BTBD9: variants seen among roughly 807,000 people sequenced by gnomAD.
The protein encoded by BTBD9 is BTB domain containing 9.
In BTBD9, 49 loss-of-function variants were observed where a neutral mutation model predicts 64.3. That is an observed-to-expected ratio of 0.76 (90% CI 0.61 to 0.97). BTBD9 has a LOEUF of 0.97. Among genes scored for constraint, BTBD9 ranks in the 50% least tolerant of loss-of-function variants. The probability of loss-of-function intolerance (pLI) is 0.00; values close to 1 mark genes in which losing one functional copy is unlikely to be tolerated. For synonymous variants in BTBD9, 260 were observed against 274.7 expected (o/e 0.95, Z 0.53); for missense variants, 598 against 762.1 (o/e 0.78, Z 2.53).
intron 9 of BTBD9, among the ~76,000 whole-genome samples, chr6:38,251,627 C>T (rs560125236): frequency 2.6e-5 from 4 of 152,090 alleles, no homozygotes; most frequent in South Asian, 2.1e-4. Context: ...CAGCCAGGTG[C>T]GGTGGCTCAC....
At chr6:38,556,877 T>TGTA (rs1775048597) in intron 6 of BTBD9, among the ~76,000 whole-genome samples, 1 of 149,964 alleles carries the variant, frequency 6.7e-6, no homozygotes, top group Non-Finnish European at 1.5e-5. Flanking sequence ...ATTAGCCAGA[T>TGTA]GTAGTGGCGC....
intron 4 of BTBD9, among the ~76,000 whole-genome samples, chr6:38,586,258 A>C (rs534697790): frequency 8.5e-4 from 129 of 152,332 alleles, no homozygotes; most frequent in African/African-American, 3.0e-3. Context: ...CAGGTAGTTC[A>C]AATATCCTAA....
intron 6 of BTBD9, among the ~76,000 whole-genome samples, chr6:38,352,264 C>A (rs1764548557): frequency 6.6e-6 from 1 of 151,836 alleles, no homozygotes; most frequent in African/African-American, 2.4e-5. Context: ...GTAGTTCCAG[C>A]TACTTGGGAG....
intron 6 of BTBD9, among the ~76,000 whole-genome samples, chr6:38,368,554 C>T (rs1765283180): frequency 1.3e-5 from 2 of 152,100 alleles, no homozygotes; most frequent in South Asian, 4.1e-4. Flanking sequence ...GGGGTGGTCT[C>T]AAACTCCTGA....
intron 7 of BTBD9, among the ~76,000 whole-genome samples, chr6:38,296,400 C>T (rs1332374708): frequency 2.0e-5 from 3 of 151,992 alleles, no homozygotes; most frequent in African/African-American, 4.8e-5. Flanking sequence ...CTTAAAGAAC[C>T]AACATTGGGT....
intron 7 of BTBD9, among the ~76,000 whole-genome samples, chr6:38,334,630 A>ATAACATAAC (rs1562039912): frequency 2.1e-4 from 27 of 130,948 alleles, no homozygotes; most frequent in African/African-American, 8.4e-4. Context: ...CATAACATAA[A>ATAACATAAC]ATAAATAAAA....
intron 6 of BTBD9, among the ~76,000 whole-genome samples, chr6:38,367,813 A>AC (rs1202663667): frequency 9.9e-6 from 1 of 100,712 alleles, no homozygotes; most frequent in Non-Finnish European, 2.3e-5. Context: ...AAAAAAAAAA[A>AC]AAAAAAAAAA....
intron 1 of BTBD9, among the ~76,000 whole-genome samples, chr6:38,619,849 C>T: frequency 6.6e-6 from 1 of 152,160 alleles, no homozygotes; most frequent in Admixed American, 6.5e-5. Flanking sequence ...TTTTCACATG[C>T]CTTTCTTGTT....
intron 6 of BTBD9, among the ~76,000 whole-genome samples, chr6:38,373,574 C>T (rs886633602): frequency 1.3e-5 from 2 of 152,154 alleles, no homozygotes; most frequent in Non-Finnish European, 2.9e-5. Flanking sequence ...CTCTGTCACC[C>T]AGGCTGGAGT....
chr6:38,547,036 T>A (rs1387588169), intron 6 of BTBD9, among the ~76,000 whole-genome samples: 3 of 152,220 alleles, frequency 2.0e-5, no homozygotes, highest in African/African-American at 7.2e-5. Flanking sequence ...ACGAGCCTCA[T>A]CCATATAAAA....
intron 6 of BTBD9, among the ~76,000 whole-genome samples, chr6:38,462,457 T>C (rs537848487): frequency 6.6e-6 from 1 of 152,364 alleles, no homozygotes; most frequent in African/African-American, 2.4e-5. Context: ...CAGTTGTCCA[T>C]AATTGTGCGG....
rs1454815835 is a variant in BTBD9, at chr6:38,584,238, G to C, written c.815-3801C>G. On this transcript the variant is annotated intron_variant, in intron 4 of 10. Coordinates refer to ENST00000481247, the MANE Select transcript of BTBD9 (RefSeq NM_001099272.2). ...AGCTACCTGGGCAGCCAAGGCAGGAGAATCACTTGAACCTGGGAGGTGGAG... is the reference window on the plus strand; with the variant it reads ...AGCTACCTGGGCAGCCAAGGCAGGACAATCACTTGAACCTGGGAGGTGGAG... 2.6e-5 allele frequency among the ~76,000 whole-genome samples: 4 copies of C among 152,284 alleles called. No homozygotes were observed. The East Asian group carries it at 7.7e-4, about 29-fold the overall frequency.
chr6:38,355,502 G>A (rs573965768), intron 6 of BTBD9, among the ~76,000 whole-genome samples: 8 of 152,194 alleles, frequency 5.3e-5, no homozygotes, highest in Non-Finnish European at 1.0e-4. Context: ...TGCTAAGCCA[G>A]TGATCAGAAA....
intron 9 of BTBD9, among the ~76,000 whole-genome samples, chr6:38,221,834 T>A (rs1317001988): frequency 3.3e-5 from 5 of 151,834 alleles, no homozygotes; most frequent in African/African-American, 1.2e-4. Context: ...CTACTAAAAA[T>A]ACAGGAATTA....
In BTBD9 at chr6:38,587,790, T is replaced by C. The variant is rs943095790; in HGVS notation, c.814+4786A>G. The C allele has an allele frequency of 3.8e-4, 272 of 712,258 alleles. 6 individuals carry two copies. Among genetic ancestry groups the C allele is most frequent in the South Asian group, 2.3e-3 (171 of 73,820 alleles). The allele number at this position is 712,258 out of a possible 1,614,324, so 44.1% of individuals were successfully genotyped here. A position where few individuals can be genotyped will look rare whatever the true frequency, so the allele number is the denominator to read the frequency against. The stretch of plus-strand genomic sequence containing the variant: ...AAAAGCCTGCTTCTTCGGATTCTTC[T>C]GGAAAACAGTCTACTCAGGTTATGG... On this transcript the variant is annotated intron_variant, in intron 4 of 10. Transcript: ENST00000481247.
At chr6:38,613,458 C>T (rs1777681939) in intron 1 of BTBD9, among the ~76,000 whole-genome samples, 2 of 152,072 alleles carry the variant, frequency 1.3e-5, no homozygotes, top group Non-Finnish European at 2.9e-5. Flanking sequence ...CCCGTCTCTA[C>T]TAAAAATACA....
Position 38,496,671 on chromosome 6 carries a change from A to AG in BTBD9, c.1154+80928_1154+80929insC, listed in dbSNP as rs572161277. 5.5e-3 allele frequency among the ~76,000 whole-genome samples: 826 copies of AG among 150,918 alleles called. 8 individuals are homozygous for AG. Among genetic ancestry groups the AG allele is most frequent in the African/African-American group, 0.019 (772 of 40,884 alleles). On this transcript the variant is annotated intron_variant, in intron 6 of 10. Transcript: ENST00000481247. ...CCTGTCTCTTAAAAAAAAAAAAAAA[A>AG]AGAGAGAGAGAGATGGAAATCAGCT...
chr6:38,482,112 A>G (rs909428428), intron 6 of BTBD9: 1 of 152,200 alleles, frequency 6.6e-6, no homozygotes, highest in Non-Finnish European at 1.5e-5. Flanking sequence ...GCTCAACTGA[A>G]CTTCCTGTCA....
Position 38,557,440 on chromosome 6 carries a change from A to G in BTBD9, c.1154+20160T>C, listed in dbSNP as rs142814644. Among the ~76,000 whole-genome samples, 270 of 152,368 alleles carry G rather than the reference A, an allele frequency of 1.8e-3. 1 individual carries two copies. The highest frequency in any genetic ancestry group is 9.7e-4 in the Non-Finnish European group (66 of 68,038). On this transcript the variant is annotated intron_variant, in intron 6 of 10. Transcript: ENST00000481247. ...GTTATGTTCTAGCTGTGTGATTATAAGTTCAATATGCTCTCTAAGCCTCAG... is the reference window on the plus strand; with the variant it reads ...GTTATGTTCTAGCTGTGTGATTATAGGTTCAATATGCTCTCTAAGCCTCAG...
Sources: allele counts gnomAD v4.1 joint callset (sites outside exome capture counted in the v4.1 genomes callset), GRCh38; gene constraint gnomAD v4.1.1; transcripts MANE v1.5; gene names NCBI Gene and HGNC (gene_info 2026-07-23, HGNC 2026-07-21).